Variants in PPARGC1A observed in about 807,000 individuals in gnomAD.
PPARGC1A encodes the protein PPARG coactivator 1 alpha.
PPARGC1A carries 25 observed loss-of-function variants against 88.7 expected under a neutral mutation model. That is an observed-to-expected ratio of 0.28 (90% CI 0.21 to 0.39). The LOEUF (loss-of-function observed/expected upper bound fraction) is 0.39. Ranked by LOEUF, PPARGC1A falls within the 10% of genes least tolerant of loss-of-function variation. The probability of loss-of-function intolerance (pLI) is 1.00; values close to 1 mark genes in which losing one functional copy is unlikely to be tolerated. For missense variants in PPARGC1A, 880 were observed against 968.7 expected, an observed-to-expected ratio of 0.91 and a Z score of 1.22; for synonymous variants, 363 against 355.6, an observed-to-expected ratio of 1.02 and a Z score of -0.24.
the PPARGC1A span, among the ~76,000 whole-genome samples, chr4:24,013,162 A>T: frequency 6.6e-6 from 1 of 152,128 alleles, no homozygotes; most frequent in Non-Finnish European, 1.5e-5. Context: ...CGTGGCTCCT[A>T]CCTTGGCAGC....
At chr4:24,007,186 T>C in the PPARGC1A span, among the ~76,000 whole-genome samples, 1 of 152,182 alleles carries the variant, frequency 6.6e-6, no homozygotes, top group East Asian at 1.9e-4. Flanking sequence ...CACGATCTTC[T>C]GTAGGTTCAA....
chr4:23,863,697 G>A (rs1444033266), intron 2 of PPARGC1A, among the ~76,000 whole-genome samples: 8 of 151,982 alleles, frequency 5.3e-5, no homozygotes, highest in Admixed American at 2.0e-4. Context: ...AAATGCCCAC[G>A]TTTCCTCTCC....
the PPARGC1A span, among the ~76,000 whole-genome samples, chr4:23,920,461 A>G: frequency 6.6e-6 from 1 of 152,166 alleles, no homozygotes; most frequent in South Asian, 2.1e-4. Flanking sequence ...ATTACCACTG[A>G]ACTAACTACT....
chr4:24,076,618 G>A, the PPARGC1A span, among the ~76,000 whole-genome samples: 2 of 152,110 alleles, frequency 1.3e-5, no homozygotes, highest in African/African-American at 2.4e-5. Context: ...GGACAGCTAG[G>A]TGCTCTATCT....
chr4:23,958,841 C>T, the PPARGC1A span, among the ~76,000 whole-genome samples: 1 of 151,958 alleles, frequency 6.6e-6, no homozygotes, highest in African/African-American at 2.4e-5. Flanking sequence ...AAAATGTTAG[C>T]AGCAATATAT....
chr4:24,238,777 G>C, the PPARGC1A span, among the ~76,000 whole-genome samples: 1 of 151,176 alleles, frequency 6.6e-6, no homozygotes, highest in African/African-American at 2.4e-5. Flanking sequence ...GTGTGTGTGT[G>C]TGTGTGTGTG....
the PPARGC1A span, among the ~76,000 whole-genome samples, chr4:24,315,176 T>C: frequency 1.3e-5 from 2 of 152,186 alleles, no homozygotes; most frequent in African/African-American, 2.4e-5. Context: ...AAACAGCTTC[T>C]AACTTGCTTA....
the PPARGC1A span, among the ~76,000 whole-genome samples, chr4:24,472,041 CG>C: frequency 6.6e-6 from 1 of 152,050 alleles, no homozygotes; most frequent in Non-Finnish European, 1.5e-5. The surrounding 1 kb of genome is among the most constrained non-coding windows in gnomAD (Gnocchi z 4.5). Context: ...AGGTTGCGCT[CG>C]AGTTCCCTGG....
the PPARGC1A span, among the ~76,000 whole-genome samples, chr4:24,272,871 T>C: frequency 1.3e-5 from 2 of 152,220 alleles, no homozygotes; most frequent in Admixed American, 6.5e-5. Flanking sequence ...TCCAGTGCAA[T>C]AGATCTAATT....
At chr4:24,236,541 T>C in the PPARGC1A span, among the ~76,000 whole-genome samples, 3 of 152,204 alleles carry the variant, frequency 2.0e-5, no homozygotes, top group African/African-American at 7.2e-5. Context: ...TCTATCCCAC[T>C]GCACTTGCCA....
At chr4:23,845,693 C>A (rs914432641) in intron 2 of PPARGC1A, among the ~76,000 whole-genome samples, 1 of 152,134 alleles carries the variant, frequency 6.6e-6, no homozygotes, top group East Asian at 1.9e-4. Flanking sequence ...GACTAACTTT[C>A]GTATTCCACT....
At chr4:24,412,994 C>A in the PPARGC1A span, among the ~76,000 whole-genome samples, 1 of 152,184 alleles carries the variant, frequency 6.6e-6, no homozygotes, top group Non-Finnish European at 1.5e-5. Context: ...TGAAGAAAAT[C>A]CTAGGCTTCG....
chr4:24,229,843 C>CAAAA, the PPARGC1A span, among the ~76,000 whole-genome samples: 2 of 130,848 alleles, frequency 1.5e-5, no homozygotes, highest in Non-Finnish European at 1.6e-5. Flanking sequence ...AAAACTGTCT[C>CAAAA]AAAAAAAAAA....
chr4:24,223,410 T>C, the PPARGC1A span, among the ~76,000 whole-genome samples: 845 of 152,130 alleles, frequency 5.6e-3, 35 homozygotes, highest in East Asian at 0.11. Context: ...CAACCATACC[T>C]GGCTAATTTT....
the PPARGC1A span, among the ~76,000 whole-genome samples, chr4:24,043,284 C>T: frequency 6.6e-6 from 1 of 152,186 alleles, no homozygotes; most frequent in Non-Finnish European, 1.5e-5. Context: ...ATTAATCTTA[C>T]TAAAAGCACA....
the PPARGC1A span, among the ~76,000 whole-genome samples, chr4:23,979,766 C>T: frequency 2.6e-4 from 40 of 152,274 alleles, no homozygotes; most frequent in African/African-American, 8.2e-4. Context: ...GGTTTTGCTT[C>T]GCCTCTATTC....
At chr4:23,998,875 T>C in the PPARGC1A span, among the ~76,000 whole-genome samples, 1 of 152,204 alleles carries the variant, frequency 6.6e-6, no homozygotes, top group African/African-American at 2.4e-5. Flanking sequence ...TCTCCCTTAG[T>C]TGTTGTCAAG....
the PPARGC1A span, among the ~76,000 whole-genome samples, chr4:24,097,388 C>A: frequency 6.6e-6 from 1 of 152,148 alleles, no homozygotes; most frequent in African/African-American, 2.4e-5. Context: ...TACACACTTG[C>A]ACTTAACAGC....
intron 12 of PPARGC1A, among the ~76,000 whole-genome samples, chr4:23,799,718 C>G (rs1347520070): frequency 6.6e-6 from 1 of 152,120 alleles, no homozygotes; most frequent in African/African-American, 2.4e-5. Context: ...GAGGAAGCAT[C>G]CTTCTTAGAA....
Sources: allele counts gnomAD v4.1 joint callset (sites outside exome capture counted in the v4.1 genomes callset), GRCh38; gene constraint gnomAD v4.1.1; non-coding constraint Gnocchi (gnomAD v3.1); transcripts MANE v1.5; gene names NCBI Gene and HGNC (gene_info 2026-07-23, HGNC 2026-07-21).